The following HIF1A variants were observed in gnomAD, a reference collection of about 807,000 sequenced individuals.
HIF1A encodes hypoxia inducible factor 1 subunit alpha.
A neutral mutation model predicts 92.7 loss-of-function variants in HIF1A; 24 were observed. That is an observed-to-expected ratio of 0.26 (90% CI 0.19 to 0.36). HIF1A has a LOEUF of 0.36. HIF1A is among the 10% of genes least tolerant of loss of function. The pLI, the probability that HIF1A is intolerant of heterozygous loss-of-function variation, is 1.00. For synonymous variants in HIF1A, 319 were observed against 338.7 expected (o/e 0.94, Z 0.64); for missense variants, 799 against 998.5 (o/e 0.80, Z 2.69).
At chr14:61,700,677 T>C (rs1441077431) in intron 1 of HIF1A, among the ~76,000 whole-genome samples, 1 of 152,200 alleles carries the variant, frequency 6.6e-6, no homozygotes, top group Non-Finnish European at 1.5e-5. Flanking sequence ...GATCATATGG[T>C]AACCCTTTTT....
At chr14:61,734,115 A>G in intron 7 of HIF1A, 23 bp from the exon 8 acceptor site, 1 of 1,490,704 alleles carries the variant, frequency 6.7e-7, no homozygotes, top group South Asian at 1.3e-5. Context: ...TCTCTGCATG[A>G]TTCTTTTTCT....
chr14:61,730,255 A>G (rs1432886459), intron 6 of HIF1A, among the ~76,000 whole-genome samples: 5 of 152,174 alleles, frequency 3.3e-5, no homozygotes, highest in Admixed American at 6.5e-5. Context: ...GTAATTCTCT[A>G]AAGTTAAATT....
chr14:61,711,216 T>TTC (rs2044303928), intron 1 of HIF1A, among the ~76,000 whole-genome samples: 1 of 144,056 alleles, frequency 6.9e-6, no homozygotes, highest in Non-Finnish European at 1.5e-5. Flanking sequence ...CCTTTTTTTT[T>TTC]TTTTTTTTTT....
In HIF1A at chr14:61,740,636, A is replaced by C; in HGVS notation, c.1659+9A>C. On this transcript the variant is annotated intron_variant, in intron 11 of 14. Transcript: ENST00000337138. The stretch of plus-strand genomic sequence containing the variant: ...ACCCATTTTCTACTCAGGTATATGA[A>C]CTTATTTGTTTTATATTAAATTTCA... 6.3e-7 allele frequency: 1 copy of C among 1,578,344 alleles called. No homozygotes were observed.
chr14:61,714,463 G>A (rs2044341155), intron 1 of HIF1A, among the ~76,000 whole-genome samples: 1 of 152,060 alleles, frequency 6.6e-6, no homozygotes, highest in Admixed American at 6.6e-5. Flanking sequence ...GTTTTCCTGT[G>A]GGAAATGATG....
At chr14:61,721,116 C>G (rs1397272664) in intron 2 of HIF1A, among the ~76,000 whole-genome samples, 2 of 152,222 alleles carry the variant, frequency 1.3e-5, no homozygotes, top group African/African-American at 4.8e-5. Flanking sequence ...TGGTAGGTGC[C>G]TGTAATCTCA....
At chr14:61,740,399 G>T in intron 10 of HIF1A, 106 bp from the exon 11 acceptor site, 1 of 798,334 alleles carries the variant, frequency 1.3e-6, no homozygotes, top group Non-Finnish European at 2.0e-6. Context: ...CGATGGACTT[G>T]GTTGTGTGTT....
At chr14:61,706,059 AG>A (rs2044236370) in intron 1 of HIF1A, among the ~76,000 whole-genome samples, 1 of 152,096 alleles carries the variant, frequency 6.6e-6, no homozygotes, top group African/African-American at 2.4e-5. Flanking sequence ...ATACACACAA[AG>A]TTTAGGGTCA....
intron 10 of HIF1A, among the ~76,000 whole-genome samples, chr14:61,738,723 C>T (rs952316167): frequency 1.1e-4 from 17 of 152,080 alleles, no homozygotes; most frequent in African/African-American, 4.1e-4. Flanking sequence ...CAGCCTATAC[C>T]TGTTACCCCT....
intron 10 of HIF1A, among the ~76,000 whole-genome samples, chr14:61,739,256 T>G (rs1174011425): frequency 1.3e-5 from 2 of 152,228 alleles, no homozygotes; most frequent in Non-Finnish European, 2.9e-5. Flanking sequence ...TCTGTCTTGA[T>G]ATTAATTGTC....
intron 1 of HIF1A, among the ~76,000 whole-genome samples, chr14:61,709,637 T>C (rs772131050): frequency 5.3e-5 from 8 of 152,204 alleles, no homozygotes; most frequent in Non-Finnish European, 1.2e-4. Context: ...ACCAAGAAAT[T>C]TAGTTGCTTT....
chr14:61,726,713 GA>G lies in HIF1A; in HGVS notation c.470del (p.Lys157ArgfsTer15), dbSNP rs1448399181. ...ATTTCATGCTTTCATTAGGCCTTGT[GA>G]AAAAGGGTAAAGAACAAAACACACA... ...EMLTHRNGLV[K>X]KGKEQNTQRS... On this transcript the variant is annotated frameshift_variant, in exon 5 of 15. Transcript: ENST00000337138. LOFTEE classifies it high-confidence loss of function. 10 of 1,589,268 alleles carry G rather than the reference GA, an allele frequency of 6.3e-6. No individual in the cohort carries two copies. Among genetic ancestry groups the G allele is most frequent in the South Asian group, 2.3e-5 (2 of 86,046 alleles).
In HIF1A at chr14:61,745,739, T is replaced by G; in HGVS notation, c.2251T>G (p.Ser751Ala). The change falls in exon 14 of 15, where the codon TCT becomes GCT. Residue 751 changes from serine (S) to alanine (A), a missense_variant. By Grantham distance (99) the Ser-to-Ala change is moderately conservative (BLOSUM62 1). This residue lies in a region of HIF1A where 283 missense variants were observed against 277.5 expected (regional missense o/e 1.02). Coordinates refer to ENST00000337138, the MANE Select transcript of HIF1A (RefSeq NM_001530.4). ...CGATCATGCAGCTACTACATCACTT[T>G]CTTGGAAACGTGTAAAAGGATGCAA... ...PDDHAATTSL[S>A]WKRVKGCKSS... The G allele has an allele frequency of 6.2e-7, 1 of 1,612,644 alleles. No homozygotes were observed.
rs199775054 is a variant in HIF1A, at chr14:61,740,872, G to A, written c.1777G>A (p.Ala593Thr). ...AAGCAGTTCCGCAAGCCCTGAAAGC[G>A]CAAGTCCTCAAAGCACAGTTACAGT... ...LESSSASPES[A>T]SPQSTVTVFQ... Residue 593 changes from alanine to threonine, a missense_variant, in exon 12 of 15, where the codon GCA (alanine) becomes ACA (threonine). Around this residue, in one of 2 missense-constraint regions of HIF1A, gnomAD observed 283 missense variants for 277.5 expected, o/e 1.02. Transcript: ENST00000337138. The A allele has an allele frequency of 1.1e-4, 173 of 1,613,980 alleles. No individual in the cohort carries two copies. Among genetic ancestry groups the A allele is most frequent in the Non-Finnish European group, 1.4e-4 (161 of 1,180,032 alleles).
chr14:61,721,121 A>T (rs1433088215), intron 2 of HIF1A, among the ~76,000 whole-genome samples: 3 of 152,122 alleles, frequency 2.0e-5, no homozygotes, highest in Non-Finnish European at 4.4e-5. Flanking sequence ...GGTGCCTGTA[A>T]TCTCAGCTAC....
rs2044702110 is a variant in HIF1A at position 61,740,918 on chromosome 14, A to G, written c.1823A>G (p.Gln608Arg). The G allele has an allele frequency of 1.9e-6, 3 of 1,614,216 alleles. No individual in the cohort carries two copies. Among genetic ancestry groups the G allele is most frequent in the Non-Finnish European group, 2.5e-6 (3 of 1,180,042 alleles). ...TVTVFQQTQI[Q>R]EPTANATTTT... is the part of the protein sequence containing the mutation. The stretch of plus-strand genomic sequence containing the variant: ...ACAGTATTCCAGCAGACTCAAATAC[A>G]AGAACCTACTGCTAATGCCACCACT... The change falls in exon 12 of 15, where the codon CAA becomes CGA. Residue 608 changes from glutamine (Q) to arginine (R), a missense_variant. Around this residue, in one of 2 missense-constraint regions of HIF1A, gnomAD observed 283 missense variants for 277.5 expected, o/e 1.02. Transcript: ENST00000337138.
At chr14:61,742,154 C>T (rs2044719141) in intron 12 of HIF1A, among the ~76,000 whole-genome samples, 1 of 152,128 alleles carries the variant, frequency 6.6e-6, no homozygotes, top group Admixed American at 6.6e-5. Flanking sequence ...ATGGACATGA[C>T]CCAATTTTTA....
intron 1 of HIF1A, among the ~76,000 whole-genome samples, chr14:61,706,763 G>A (rs2140122637): frequency 6.6e-6 from 1 of 152,270 alleles, no homozygotes; most frequent in Non-Finnish European, 1.5e-5. Flanking sequence ...AATTTTACAA[G>A]CACTCAGAAA....
intron 12 of HIF1A, 134 bp from the exon 13 acceptor site, chr14:61,744,571 C>A: frequency 7.4e-6 from 3 of 403,134 alleles, no homozygotes; most frequent in Admixed American, 4.6e-5. Flanking sequence ...CTTTAGTGAT[C>A]AGGAAAGTTA....
Sources: gnomAD v4.1 joint callset for allele counts (sites outside exome capture counted in the v4.1 genomes callset) on GRCh38, gnomAD v4.1.1 for gene constraint, gnomAD v4.1.1 regional missense constraint, MANE v1.5 for transcripts, NCBI Gene and HGNC (gene_info 2026-07-23, HGNC 2026-07-21) for gene names.